Variants in ARHGAP15 observed in about 807,000 individuals in gnomAD.
ARHGAP15 encodes Rho GTPase activating protein 15.
A neutral mutation model predicts 63.7 loss-of-function variants in ARHGAP15; 51 were observed. The observed-to-expected ratio is 0.80, with a 90% CI of 0.64 to 1.01. The LOEUF is 1.01. Ranked by LOEUF, ARHGAP15 falls within the 50% of genes least tolerant of loss-of-function variation. The pLI, the probability that ARHGAP15 is intolerant of heterozygous loss-of-function variation, is 0.00. For synonymous variants in ARHGAP15, 191 were observed against 193.8 expected, an observed-to-expected ratio of 0.99 and a Z score of 0.12; for missense variants, 560 against 564.6, an observed-to-expected ratio of 0.99 and a Z score of 0.08.
chr2:143,544,570 CACAG>C (rs1195838392), intron 10 of ARHGAP15, among the ~76,000 whole-genome samples: 2 of 152,156 alleles, frequency 1.3e-5, no homozygotes, highest in African/African-American at 4.8e-5. Context: ...TAATCCACCT[CACAG>C]AGAATATATG....
At chr2:143,251,083 GT>G (rs1425484215) in intron 6 of ARHGAP15, among the ~76,000 whole-genome samples, 1 of 151,602 alleles carries the variant, frequency 6.6e-6, no homozygotes, top group African/African-American at 2.4e-5. Context: ...GCTTACTTTA[GT>G]TTTTTGAAAA....
chr2:143,224,146 G>A lies in ARHGAP15; in HGVS notation c.297-4435G>A, dbSNP rs560181256. On this transcript the variant is annotated intron_variant, in intron 4 of 13. Coordinates refer to ENST00000295095, the MANE Select transcript of ARHGAP15 (RefSeq NM_018460.4). ...GAGCAGAAGCCAGTGCAAGCTCAGC[G>A]TGGGAAGCCCTCTGGAGAAAGCTCA... Among the ~76,000 whole-genome samples, 17 of 152,304 alleles carry A rather than the reference G, an allele frequency of 1.1e-4. No individual in the cohort carries two copies. In the South Asian group the frequency reaches 2.1e-3, roughly 19 times the overall value.
intron 6 of ARHGAP15, among the ~76,000 whole-genome samples, chr2:143,312,459 T>C (rs1683492210): frequency 6.6e-6 from 1 of 152,160 alleles, no homozygotes; most frequent in Non-Finnish European, 1.5e-5. Flanking sequence ...ATCTCTGCAG[T>C]TATTTTTTTC....
chr2:143,458,071 ACT>A (rs1199061204), intron 8 of ARHGAP15, among the ~76,000 whole-genome samples: 1 of 152,122 alleles, frequency 6.6e-6, no homozygotes, highest in African/African-American at 2.4e-5. Flanking sequence ...AATAAAAATA[ACT>A]CTGAAAATCT....
intron 10 of ARHGAP15, among the ~76,000 whole-genome samples, chr2:143,535,087 TA>T (rs1694694146): frequency 6.6e-6 from 1 of 152,142 alleles, no homozygotes; most frequent in African/African-American, 2.4e-5. Flanking sequence ...TAATCAAGCT[TA>T]AAAATGTGCC....
chr2:143,435,802 G>T, intron 7 of ARHGAP15, 103 bp downstream of exon 7: 1 of 1,123,736 alleles, frequency 8.9e-7, no homozygotes, highest in South Asian at 1.7e-5. Flanking sequence ...TAGATCCTAT[G>T]GACTGAGAGG....
chr2:143,271,383 A>G (rs1681272080), intron 6 of ARHGAP15, among the ~76,000 whole-genome samples: 1 of 152,128 alleles, frequency 6.6e-6, no homozygotes, highest in Non-Finnish European at 1.5e-5. Context: ...CCAGATAAAC[A>G]TTTTCTCCGT....
chr2:143,332,558 A>C (rs1247123286), intron 6 of ARHGAP15, among the ~76,000 whole-genome samples: 1 of 152,184 alleles, frequency 6.6e-6, no homozygotes, highest in Non-Finnish European at 1.5e-5. Flanking sequence ...TTCCCAATGC[A>C]TGTGGCTTTT....
At position 143,521,411 on chromosome 2, in the gene ARHGAP15, T is replaced by C. The variant is rs149584202; in HGVS notation, c.925+2047T>C. Among the ~76,000 whole-genome samples the C allele has an allele frequency of 1.2e-3, 176 of 152,314 alleles. 1 individual carries two copies. Among genetic ancestry groups the C allele is most frequent in the African/African-American group, 4.1e-3 (170 of 41,582 alleles). On this transcript the variant is annotated intron_variant, in intron 10 of 13. Coordinates refer to ENST00000295095, the MANE Select transcript of ARHGAP15 (RefSeq NM_018460.4). ...ATATTTATACACCAATTCTATTTAC[T>C]CAAAGTGTTGTTTTTACGAAATTCT... is the stretch of plus-strand genomic sequence containing the variant.
intron 10 of ARHGAP15, among the ~76,000 whole-genome samples, chr2:143,542,478 A>G (rs1695113635): frequency 6.6e-6 from 1 of 151,926 alleles, no homozygotes; most frequent in Admixed American, 6.6e-5. Flanking sequence ...TCACACTGGT[A>G]GCTGTAGACT....
chr2:143,443,801 G>A (rs992941579), intron 8 of ARHGAP15, among the ~76,000 whole-genome samples: 3 of 152,124 alleles, frequency 2.0e-5, no homozygotes, highest in Non-Finnish European at 4.4e-5. Context: ...AAGGTCCCAG[G>A]CTTCACTATG....
intron 9 of ARHGAP15, among the ~76,000 whole-genome samples, chr2:143,514,556 A>G (rs1693723587): frequency 6.6e-6 from 1 of 152,160 alleles, no homozygotes; most frequent in East Asian, 1.9e-4. Context: ...CTCACAGCAT[A>G]GCTTAGATCA....
intron 12 of ARHGAP15, among the ~76,000 whole-genome samples, chr2:143,697,770 T>A (rs1683917055): frequency 6.6e-6 from 1 of 152,122 alleles, no homozygotes; most frequent in Non-Finnish European, 1.5e-5. Flanking sequence ...AAGTGTATCC[T>A]CAGAGGTTTG....
At chr2:143,134,294 A>G (rs1689044290) in intron 1 of ARHGAP15, among the ~76,000 whole-genome samples, 1 of 152,166 alleles carries the variant, frequency 6.6e-6, no homozygotes, top group Admixed American at 6.5e-5. Context: ...TGTTATTTGT[A>G]ACTTTTTGAA....
chr2:143,310,633 A>T (rs1178161261), intron 6 of ARHGAP15, among the ~76,000 whole-genome samples: 4 of 152,092 alleles, frequency 2.6e-5, no homozygotes, highest in African/African-American at 4.8e-5. Flanking sequence ...TGTAATATGC[A>T]TAAAGCTCTG....
At chr2:143,386,043 G>C (rs1184859536) in intron 6 of ARHGAP15, among the ~76,000 whole-genome samples, 1 of 151,974 alleles carries the variant, frequency 6.6e-6, no homozygotes, top group Non-Finnish European at 1.5e-5. Context: ...CATTGTCATA[G>C]TCCAGTTTAT....
At chr2:143,199,837 T>A (rs1203632135) in intron 2 of ARHGAP15, among the ~76,000 whole-genome samples, 2 of 152,062 alleles carry the variant, frequency 1.3e-5, no homozygotes, top group Non-Finnish European at 2.9e-5. Flanking sequence ...AGTTACAGCA[T>A]CAAGCTCAAA....
chr2:143,157,252 T>C (rs1430207665), intron 2 of ARHGAP15, among the ~76,000 whole-genome samples: 2 of 151,984 alleles, frequency 1.3e-5, no homozygotes, highest in Non-Finnish European at 2.9e-5. Flanking sequence ...TGATGCCTCT[T>C]GTACAATTAG....
Position 143,300,665 on chromosome 2 carries a change from G to C in ARHGAP15, c.474+50065G>C, listed in dbSNP as rs139244668. Among the ~76,000 whole-genome samples the C allele has an allele frequency of 3.0e-3, 453 of 152,136 alleles. 1 individual carries two copies. Among genetic ancestry groups the C allele is most frequent in the South Asian group, 9.1e-3 (44 of 4,820 alleles). On this transcript the variant is annotated intron_variant, in intron 6 of 13. Coordinates refer to ENST00000295095, the MANE Select transcript of ARHGAP15 (RefSeq NM_018460.4). ...GCCTCATCCTTTCTGTCCAAAGAGA[G>C]AACATAGACAAGACACACAGCTACT... is the stretch of plus-strand genomic sequence containing the variant.
Sources: gnomAD v4.1 joint callset for allele counts (sites outside exome capture counted in the v4.1 genomes callset) on GRCh38, gnomAD v4.1.1 for gene constraint, MANE v1.5 for transcripts, NCBI Gene and HGNC (gene_info 2026-07-23, HGNC 2026-07-21) for gene names.